Variants in EXOC6B observed in about 807,000 individuals in gnomAD.
The protein encoded by EXOC6B is exocyst complex component 6B.
In EXOC6B, 54 loss-of-function variants were observed where a neutral mutation model predicts 113.5. That is an observed-to-expected ratio of 0.48 (90% CI 0.38 to 0.60). The LOEUF is 0.60. EXOC6B is among the 20% of genes least tolerant of loss of function. The pLI, the probability that EXOC6B is intolerant of heterozygous loss-of-function variation, is 0.00. For missense variants in EXOC6B, 797 were observed against 977.5 expected (o/e 0.82, Z 2.46); for synonymous variants, 357 against 339.0 (o/e 1.05, Z -0.58).
chr2:72,495,577 C>G (rs1219522827), intron 14 of EXOC6B, 38 bp from the exon 15 acceptor site: 1 of 1,069,748 alleles, frequency 9.3e-7, no homozygotes, highest in African/African-American at 1.6e-5. Flanking sequence ...AGTCACAAAC[C>G]AACGAAGATT....
chr2:72,403,945 A>C (rs982144261), intron 18 of EXOC6B, among the ~76,000 whole-genome samples: 1 of 152,128 alleles, frequency 6.6e-6, no homozygotes, highest in Non-Finnish European at 1.5e-5. Flanking sequence ...GGGGTCAGGG[A>C]ATTCCCTTTC....
chr2:72,259,085 T>C lies in EXOC6B; in HGVS notation c.2197-74898A>G, dbSNP rs1012306109. On this transcript the variant is annotated intron_variant, in intron 20 of 21. Coordinates refer to ENST00000272427, the MANE Select transcript of EXOC6B (RefSeq NM_015189.3). ...TATATATGATGAAATGCACAAATCT[T>C]AGGTATACAGTTTAGGTGTGTTCTG... is the stretch of plus-strand genomic sequence containing the variant. Among the ~76,000 whole-genome samples, 16 of 152,302 alleles carry C rather than the reference T, an allele frequency of 1.1e-4. No individual in the cohort carries two copies. The East Asian group carries it at 3.1e-3, about 29-fold the overall frequency.
intron 20 of EXOC6B, among the ~76,000 whole-genome samples, chr2:72,269,589 T>C (rs1189201608): frequency 6.6e-6 from 1 of 152,062 alleles, no homozygotes; most frequent in Non-Finnish European, 1.5e-5. Context: ...GGTGGGCAGA[T>C]TGCTCAAACC....
chr2:72,340,052 A>G (rs1022444681), intron 19 of EXOC6B, among the ~76,000 whole-genome samples: 2 of 152,154 alleles, frequency 1.3e-5, no homozygotes, highest in Non-Finnish European at 1.5e-5. Context: ...TGCTTTCTAG[A>G]CTTCTTGAAG....
Position 72,338,964 on chromosome 2 carries a change from T to TACACATACATAC in EXOC6B, c.2123-3945_2123-3944insGTATGTATGTGT, listed in dbSNP as rs1369428147. On this transcript the variant is annotated intron_variant, in intron 19 of 21. Coordinates refer to ENST00000272427, the MANE Select transcript of EXOC6B (RefSeq NM_015189.3). ...ATACACATACACATACACATACACA[T>TACACATACATAC]ACATACACATACACATACACATTAT... is the stretch of plus-strand genomic sequence containing the variant. 1.5e-4 allele frequency among the ~76,000 whole-genome samples: 17 copies of TACACATACATAC among 114,446 alleles called. No individual in the cohort carries two copies. The East Asian group carries it at 3.5e-3, about 24-fold the overall frequency. The allele number at this position is 114,446 out of a possible 152,430, so 75.1% of individuals were successfully genotyped here. A position where few individuals can be genotyped will look rare whatever the true frequency, so the allele number is the denominator to read the frequency against.
At chr2:72,696,155 A>G (rs904636917) in intron 6 of EXOC6B, among the ~76,000 whole-genome samples, 6 of 152,226 alleles carry the variant, frequency 3.9e-5, no homozygotes, top group Admixed American at 2.6e-4. Context: ...GGGAAAGACA[A>G]TGCAGAATAA....
intron 18 of EXOC6B, among the ~76,000 whole-genome samples, chr2:72,423,808 CTGTT>C (rs1284103097): frequency 3.3e-5 from 5 of 151,946 alleles, no homozygotes; most frequent in African/African-American, 4.8e-5. Flanking sequence ...TTTTAAGAAA[CTGTT>C]TATCCGTTTT....
At chr2:72,443,320 CAAAAAA>C (rs61290907) in intron 18 of EXOC6B, among the ~76,000 whole-genome samples, 2 of 92,768 alleles carry the variant, frequency 2.2e-5, no homozygotes, top group African/African-American at 3.2e-5. Flanking sequence ...GAGATTCTGT[CAAAAAA>C]AAAAAAAAAA....
intron 6 of EXOC6B, among the ~76,000 whole-genome samples, chr2:72,635,689 T>C (rs1672768235): frequency 6.6e-6 from 1 of 152,174 alleles, no homozygotes; most frequent in South Asian, 2.1e-4. Context: ...GAGGAAGGAA[T>C]ACCTCTCCAA....
At chr2:72,769,858 C>T (rs1558987816) in intron 1 of EXOC6B, among the ~76,000 whole-genome samples, 1 of 151,652 alleles carries the variant, frequency 6.6e-6, no homozygotes, top group African/African-American at 2.4e-5. Flanking sequence ...CAATAGACAG[C>T]CAAAAATAAT....
intron 20 of EXOC6B, among the ~76,000 whole-genome samples, chr2:72,247,713 T>C (rs975147851): frequency 6.6e-6 from 1 of 152,158 alleles, no homozygotes; most frequent in Non-Finnish European, 1.5e-5. Context: ...AAAGCAAAAA[T>C]GGGAAATTTG....
chr2:72,653,971 T>A (rs1395391610), intron 6 of EXOC6B, among the ~76,000 whole-genome samples: 2 of 1,888 alleles, frequency 1.1e-3, no homozygotes, highest in African/African-American at 1.6e-3. Flanking sequence ...ATTTTATTTA[T>A]TTTTTTTTTT....
chr2:72,355,334 A>G (rs1029738113), intron 19 of EXOC6B, among the ~76,000 whole-genome samples: 4 of 152,230 alleles, frequency 2.6e-5, no homozygotes, highest in Non-Finnish European at 5.9e-5. Context: ...ATGAAACTGA[A>G]AAAAAGGAAA....
intron 20 of EXOC6B, among the ~76,000 whole-genome samples, chr2:72,286,328 G>A (rs1282345296): frequency 5.3e-5 from 8 of 152,044 alleles, no homozygotes; most frequent in Non-Finnish European, 1.0e-4. Context: ...GAAGAAATGA[G>A]CCATTAAGCC....
intron 6 of EXOC6B, among the ~76,000 whole-genome samples, chr2:72,590,934 A>G (rs1333145385): frequency 6.6e-6 from 1 of 152,050 alleles, no homozygotes; most frequent in Non-Finnish European, 1.5e-5. Context: ...TTGATGAACC[A>G]TAGTAGAGAG....
chr2:72,680,714 G>C (rs1288025430), intron 6 of EXOC6B, among the ~76,000 whole-genome samples: 1 of 151,772 alleles, frequency 6.6e-6, no homozygotes, highest in Non-Finnish European at 1.5e-5. Flanking sequence ...ACTACGGCGT[G>C]GGTGACAGAG....
chr2:72,575,707 G>C (rs748086113), intron 6 of EXOC6B, 39 bp from the exon 7 acceptor site: 1 of 1,470,236 alleles, frequency 6.8e-7, no homozygotes, highest in Non-Finnish European at 9.0e-7. Flanking sequence ...CACCAAAAAG[G>C]TGGGGTTAGG....
At chr2:72,428,824 C>T (rs1695360369) in intron 18 of EXOC6B, among the ~76,000 whole-genome samples, 6 of 152,198 alleles carry the variant, frequency 3.9e-5, no homozygotes, top group Admixed American at 3.9e-4. Flanking sequence ...CTAAAGCTTA[C>T]ACCTCTATCC....
chr2:72,401,506 TATATATATACATATATAC>T lies in EXOC6B; in HGVS notation c.1981-21654_1981-21637del, dbSNP rs1693166254. Among the ~76,000 whole-genome samples, 3 of 57,676 alleles carry T rather than the reference TATATATATACATATATAC, an allele frequency of 5.2e-5. No homozygotes were observed. The African/African-American group carries it at 9.3e-4, about 18-fold the overall frequency. The allele number at this position is 57,676 out of a possible 152,430, so 37.8% of individuals were successfully genotyped here. A position where few individuals can be genotyped will look rare whatever the true frequency, so the allele number is the denominator to read the frequency against. Reference sequence around the variant, plus strand: ...AATATTTTATATACATATATATATATATATATATACATATATACATATATATATATATATATATGTGTA... The same window carrying T: ...AATATTTTATATACATATATATATATATATATATATATATATATATGTGTA... On this transcript the variant is annotated intron_variant, in intron 18 of 21. Transcript: ENST00000272427.
Sources: allele counts gnomAD v4.1 joint callset (sites outside exome capture counted in the v4.1 genomes callset), GRCh38; gene constraint gnomAD v4.1.1; transcripts MANE v1.5; gene names NCBI Gene and HGNC (gene_info 2026-07-23, HGNC 2026-07-21).